ERICH5: variants seen among roughly 807,000 people sequenced by gnomAD.
ERICH5 encodes the protein glutamate-rich protein 5.
In ERICH5, 24 loss-of-function variants were observed where a neutral mutation model predicts 28.0. The ratio of observed to expected loss-of-function variants is 0.86; its 90% CI spans 0.62 to 1.21. The LOEUF is 1.21. Ranked by LOEUF, ERICH5 falls within the 50% of genes most tolerant of loss-of-function variation. ERICH5 has a pLI of 0.00. For missense variants in ERICH5, 421 were observed against 441.2 expected, an observed-to-expected ratio of 0.95 and a Z score of 0.41; for synonymous variants, 163 against 157.6, an observed-to-expected ratio of 1.03 and a Z score of -0.25.
chr8:98,072,204 C>T (rs942308025), intron 1 of ERICH5, among the ~76,000 whole-genome samples: 5 of 152,162 alleles, frequency 3.3e-5, no homozygotes, highest in African/African-American at 1.2e-4. Context: ...ATAGCCATGC[C>T]AGCATTTCTC....
intron 1 of ERICH5, among the ~76,000 whole-genome samples, chr8:98,087,829 T>C (rs970262107): frequency 6.6e-6 from 1 of 152,204 alleles, no homozygotes; most frequent in Non-Finnish European, 1.5e-5. Flanking sequence ...TTCATAATCA[T>C]CTTTTTTCAT....
intron 1 of ERICH5, among the ~76,000 whole-genome samples, chr8:98,080,831 T>C (rs1039089429): frequency 3.3e-5 from 5 of 151,828 alleles, no homozygotes; most frequent in South Asian, 2.1e-4. Context: ...GTCTTCCGAG[T>C]AGCTGAGATT....
chr8:98,084,012 C>T (rs1815227486), intron 1 of ERICH5, among the ~76,000 whole-genome samples: 1 of 151,928 alleles, frequency 6.6e-6, no homozygotes, highest in African/African-American at 2.4e-5. Flanking sequence ...TTCTAAGTAA[C>T]TGGTATTACA....
chr8:98,066,050 C>A (rs949874359), intron 1 of ERICH5, among the ~76,000 whole-genome samples: 1 of 152,140 alleles, frequency 6.6e-6, no homozygotes, highest in Non-Finnish European at 1.5e-5. Flanking sequence ...TAAAAGTAAA[C>A]CCCTTCTCAC....
intron 1 of ERICH5, among the ~76,000 whole-genome samples, chr8:98,066,975 G>A (rs1439262977): frequency 6.6e-6 from 1 of 152,124 alleles, no homozygotes; most frequent in Non-Finnish European, 1.5e-5. Context: ...GCCTAACAAC[G>A]CTTGGCATAT....
chr8:98,090,919 A>T (rs966797591), intron 2 of ERICH5, among the ~76,000 whole-genome samples: 1 of 151,854 alleles, frequency 6.6e-6, no homozygotes, highest in African/African-American at 2.4e-5. Context: ...TAATTCTTTC[A>T]TTTATTTATT....
intron 1 of ERICH5, among the ~76,000 whole-genome samples, chr8:98,084,086 G>A (rs1477505398): frequency 1.4e-5 from 2 of 146,662 alleles, no homozygotes; most frequent in Admixed American, 1.4e-4. Flanking sequence ...ATCAGGTCTC[G>A]CTATATTTCC....
intron 1 of ERICH5, among the ~76,000 whole-genome samples, chr8:98,073,633 C>T (rs536499630): frequency 2.7e-4 from 39 of 145,638 alleles, no homozygotes; most frequent in African/African-American, 9.8e-4. Context: ...ACCTCCTTCT[C>T]CCGGGTTCAA....
At chr8:98,086,113 T>C (rs1815272599) in intron 1 of ERICH5, among the ~76,000 whole-genome samples, 1 of 152,172 alleles carries the variant, frequency 6.6e-6, no homozygotes. Context: ...TCTAATTTTG[T>C]GCCTTCCTGA....
At chr8:98,080,518 G>T (rs190671140) in intron 1 of ERICH5, among the ~76,000 whole-genome samples, 79 of 152,294 alleles carry the variant, frequency 5.2e-4, no homozygotes, top group African/African-American at 1.6e-3. Context: ...ACTTTATTGT[G>T]TTCTCTGAGA....
At chr8:98,073,520 A>C (rs1359156779) in intron 1 of ERICH5, among the ~76,000 whole-genome samples, 1,006 of 9,778 alleles carry the variant, frequency 0.1, 302 homozygotes, top group African/African-American at 0.26. Context: ...ATATATGTAT[A>C]TATATATATA....
intron 2 of ERICH5, among the ~76,000 whole-genome samples, chr8:98,091,155 C>T (rs1276099506): frequency 6.6e-6 from 1 of 152,210 alleles, no homozygotes; most frequent in Admixed American, 6.5e-5. Context: ...CCAGGCTGGT[C>T]TCCAGCTCCT....
At chr8:98,068,758 T>TTACA (rs1357554778) in intron 1 of ERICH5, among the ~76,000 whole-genome samples, 1 of 152,204 alleles carries the variant, frequency 6.6e-6, no homozygotes, top group Non-Finnish European at 1.5e-5. Context: ...TTCCAAGGTG[T>TTACA]TACAGCCCAA....
At chr8:98,091,909 C>CTT (rs1815406833) in intron 2 of ERICH5, among the ~76,000 whole-genome samples, 19 of 83,002 alleles carry the variant, frequency 2.3e-4, no homozygotes, top group African/African-American at 8.9e-4. Flanking sequence ...TCCTTTCTTT[C>CTT]TTTCTTTCTT....
rs1296283210 is a variant in ERICH5, at chr8:98,075,785, C to CTTTTTTTTTTTTTTTTTTTTTTTTTT, written c.58+11077_58+11078insTTTTTTTTTTTTTTTTTTTTTTTTTT. 4.4e-4 allele frequency among the ~76,000 whole-genome samples: 36 copies of CTTTTTTTTTTTTTTTTTTTTTTTTTT among 81,650 alleles called. 4 individuals are homozygous for CTTTTTTTTTTTTTTTTTTTTTTTTTT. The highest frequency in any genetic ancestry group is 1.6e-3 in the African/African-American group (35 of 21,720). The allele number at this position is 81,650 out of a possible 152,430, so 53.6% of individuals were successfully genotyped here. On this transcript the variant is annotated intron_variant, in intron 1 of 2. Coordinates refer to ENST00000318528, the MANE Select transcript of ERICH5 (RefSeq NM_173549.3). ...TAACTCCCATCTCAAGCACACCTGC[C>CTTTTTTTTTTTTTTTTTTTTTTTTTT]TTTTTTTTTTTTTTTTTTTGAGACA...
chr8:98,064,615 C>T lies in ERICH5; in HGVS notation c.-55C>T. On this transcript the variant is annotated 5_prime_UTR_variant, in exon 1 of 3. Transcript: ENST00000318528. Reference sequence around the variant, plus strand: ...CTACGGGTGCAGTTGCCTTCGGTTCCCGGTTCCGGGCCGACACCCGCGCAG... The same window carrying T: ...CTACGGGTGCAGTTGCCTTCGGTTCTCGGTTCCGGGCCGACACCCGCGCAG... 2 of 1,436,976 alleles carry T rather than the reference C, an allele frequency of 1.4e-6. No individual in the cohort carries two copies. Among genetic ancestry groups the T allele is most frequent in the South Asian group, 2.7e-5 (2 of 73,956 alleles). 89.0% of individuals were successfully genotyped at this position (1,436,976 alleles called of 1,614,324 possible).
chr8:98,075,904 CCA>C (rs1301203970), intron 1 of ERICH5, among the ~76,000 whole-genome samples: 4 of 150,924 alleles, frequency 2.7e-5, no homozygotes, highest in African/African-American at 9.8e-5. Flanking sequence ...CCGTGCCTGG[CCA>C]CAGACACCTG....
At chr8:98,088,158 T>A (rs13276678) in intron 1 of ERICH5, among the ~76,000 whole-genome samples, 59,439 of 152,120 alleles carry the variant, frequency 0.39, 14,166 homozygotes, top group Non-Finnish European at 0.54. Flanking sequence ...TGCTTTTAGA[T>A]TAAATTTTCA....
chr8:98,073,795 G>A (rs1390832007), intron 1 of ERICH5, among the ~76,000 whole-genome samples: 2 of 150,824 alleles, frequency 1.3e-5, no homozygotes, highest in African/African-American at 2.4e-5. Flanking sequence ...CACCCACCTC[G>A]GCCTCCCAAA....
Sources: gnomAD v4.1 joint callset for allele counts (sites outside exome capture counted in the v4.1 genomes callset) on GRCh38, gnomAD v4.1.1 for gene constraint, MANE v1.5 for transcripts, NCBI Gene and HGNC (gene_info 2026-07-23, HGNC 2026-07-21) for gene names.